SNRPD1: variants seen among roughly 807,000 people sequenced by gnomAD.
SNRPD1 encodes small nuclear ribonucleoprotein D1 polypeptide.
In SNRPD1, 1 loss-of-function variant was observed where a neutral mutation model predicts 14.4. The ratio of observed to expected loss-of-function variants is 0.07; its 90% CI spans 0.02 to 0.33. The LOEUF (loss-of-function observed/expected upper bound fraction) is 0.33, where lower values mean the gene tolerates loss of function less well. Among genes scored for constraint, SNRPD1 ranks in the 10% least tolerant of loss-of-function variants. The probability of loss-of-function intolerance (pLI) is 1.00; values close to 1 mark genes in which losing one functional copy is unlikely to be tolerated. For missense variants in SNRPD1, 52 were observed against 146.4 expected, an observed-to-expected ratio of 0.36 and a Z score of 3.33; for synonymous variants, 42 against 50.3, an observed-to-expected ratio of 0.83 and a Z score of 0.70.
At chr18:21,618,990 T>C (rs1412716911) in intron 1 of SNRPD1, among the ~76,000 whole-genome samples, 2 of 152,158 alleles carry the variant, frequency 1.3e-5, no homozygotes, top group Admixed American at 6.5e-5. Context: ...AGTGTGATGA[T>C]AGGATCTGTT....
At position 21,629,175 on chromosome 18, in the gene SNRPD1, A is replaced by G; in HGVS notation, c.*37A>G. 6.8e-7 allele frequency: 1 copy of G among 1,472,876 alleles called. No individual in the cohort carries two copies. Among genetic ancestry groups the G allele is most frequent in the South Asian group, 1.1e-5 (1 of 88,214 alleles). 91.2% of individuals were successfully genotyped at this position (1,472,876 alleles called of 1,614,324 possible). ...ATTTCAAAGTCATATGAGATTTGGGATATTTTTTGTACAGGTTGTGTTTGT... is the reference window on the plus strand; with the variant it reads ...ATTTCAAAGTCATATGAGATTTGGGGTATTTTTTGTACAGGTTGTGTTTGT... On this transcript the variant is annotated 3_prime_UTR_variant, in exon 4 of 4. Transcript: ENST00000300413.
At position 21,632,998 on chromosome 18, in the gene SNRPD1, C is replaced by T. The variant is rs2039096558; in HGVS notation, c.*3860C>T. 1 of 152,030 alleles carries T rather than the reference C, an allele frequency of 6.6e-6. No homozygotes were observed. The highest frequency in any genetic ancestry group is 1.5e-5 in the Non-Finnish European group (1 of 68,102). The allele number at this position is 152,030 out of a possible 1,614,324, so 9.4% of individuals were successfully genotyped here. ...CCTGAGTAGCTGAGACTACAGGTGC[C>T]CACCACTATGCCCGGCTAATGTTTT... On this transcript the variant is annotated 3_prime_UTR_variant, in exon 4 of 4. Coordinates refer to ENST00000300413, the MANE Select transcript of SNRPD1 (RefSeq NM_006938.4).
At chr18:21,627,434 G>GTTTTTT (rs71178190) in intron 3 of SNRPD1, among the ~76,000 whole-genome samples, 6 of 97,366 alleles carry the variant, frequency 6.2e-5, no homozygotes, top group Non-Finnish European at 9.8e-5. Context: ...CTTTTCTTGG[G>GTTTTTT]TTTTTTTTTT....
intron 1 of SNRPD1, among the ~76,000 whole-genome samples, chr18:21,617,691 G>T (rs1352582925): frequency 6.6e-6 from 1 of 152,054 alleles, no homozygotes; most frequent in Non-Finnish European, 1.5e-5. Context: ...CTACTCATAG[G>T]ACCTAAAATA....
rs2039098972 is a variant in SNRPD1 at position 21,633,256 on chromosome 18, G to A, written c.*4118G>A. The stretch of plus-strand genomic sequence containing the variant: ...CTTTTAATCTATCATAATTATGTGA[G>A]CATAACTTAGTATTTTGAAATAGAT... On this transcript the variant is annotated 3_prime_UTR_variant, in exon 4 of 4. Coordinates refer to ENST00000300413, the MANE Select transcript of SNRPD1 (RefSeq NM_006938.4). 6.6e-6 allele frequency: 1 copy of A among 152,176 alleles called. No homozygotes were observed. The highest frequency in any genetic ancestry group is 6.6e-5 in the Admixed American group (1 of 15,262). The allele number at this position is 152,176 out of a possible 1,614,324, so 9.4% of individuals were successfully genotyped here.
chr18:21,615,789 T>A (rs1478581849), intron 1 of SNRPD1, among the ~76,000 whole-genome samples: 1 of 152,104 alleles, frequency 6.6e-6, no homozygotes, highest in African/African-American at 2.4e-5. Flanking sequence ...TGTAACATAG[T>A]TATGTGTTTA....
intron 2 of SNRPD1, 105 bp downstream of exon 2, chr18:21,622,906 A>G: frequency 4.2e-6 from 2 of 477,470 alleles, no homozygotes. Context: ...ACAAATCCTT[A>G]TTTTTTTTGT....
At chr18:21,614,467 A>T (rs532326806) in intron 1 of SNRPD1, among the ~76,000 whole-genome samples, 10 of 152,118 alleles carry the variant, frequency 6.6e-5, no homozygotes, top group African/African-American at 1.7e-4. Context: ...ATAGAAACAA[A>T]TTTTTTTTCT....
intron 1 of SNRPD1, among the ~76,000 whole-genome samples, chr18:21,620,113 C>T (rs1231749079): frequency 6.6e-6 from 1 of 152,088 alleles, no homozygotes; most frequent in Non-Finnish European, 1.5e-5. Flanking sequence ...CACCACCACA[C>T]CTGGCTAATT....
chr18:21,618,432 G>A (rs1432860883), intron 1 of SNRPD1, among the ~76,000 whole-genome samples: 2 of 150,234 alleles, frequency 1.3e-5, no homozygotes, highest in East Asian at 1.9e-4. Flanking sequence ...GAGCCACCGC[G>A]CCTGGCCACA....
chr18:21,626,350 C>T (rs552378211), intron 3 of SNRPD1, among the ~76,000 whole-genome samples: 6 of 144,352 alleles, frequency 4.2e-5, no homozygotes, highest in African/African-American at 7.8e-5. Context: ...GCCGAGATTA[C>T]GCCACTGCAC....
At chr18:21,621,790 TG>T (rs1305048431) in intron 1 of SNRPD1, among the ~76,000 whole-genome samples, 1 of 152,180 alleles carries the variant, frequency 6.6e-6, no homozygotes, top group East Asian at 1.9e-4. Context: ...TTGGCCAGGC[TG>T]GTCTTGAATT....
chr18:21,628,649 G>C (rs188949031), intron 3 of SNRPD1, among the ~76,000 whole-genome samples: 1 of 152,252 alleles, frequency 6.6e-6, no homozygotes, highest in East Asian at 1.9e-4. Flanking sequence ...GAATTAACTT[G>C]CTTGGATTTT....
At position 21,629,241 on chromosome 18, in the gene SNRPD1, G is replaced by A; in HGVS notation, c.*103G>A. On this transcript the variant is annotated 3_prime_UTR_variant, in exon 4 of 4. Transcript: ENST00000300413. ...ATAAACATAAATGTGGGACAGAGCT[G>A]TCTATTTAGTATATCAAAGTTTTAG... 1 of 855,440 alleles carries A rather than the reference G, an allele frequency of 1.2e-6. No homozygotes were observed. Among genetic ancestry groups the A allele is most frequent in the South Asian group, 1.5e-5 (1 of 68,394 alleles). 53.0% of individuals were successfully genotyped at this position (855,440 alleles called of 1,614,324 possible).
intron 1 of SNRPD1, among the ~76,000 whole-genome samples, chr18:21,621,117 G>A (rs1302305289): frequency 8.6e-5 from 13 of 151,988 alleles, no homozygotes; most frequent in East Asian, 1.9e-4. Flanking sequence ...GCAGTGAGCC[G>A]AGATTGTGCC....
chr18:21,618,259 C>T (rs1338177137), intron 1 of SNRPD1, among the ~76,000 whole-genome samples: 2 of 151,222 alleles, frequency 1.3e-5, no homozygotes, highest in Non-Finnish European at 2.9e-5. Flanking sequence ...CACATCTCTA[C>T]AAAAAATTTA....
Position 21,632,441 on chromosome 18 carries a change from A to T in SNRPD1, c.*3303A>T, listed in dbSNP as rs547958990. The T allele has an allele frequency of 6.6e-6, 1 of 151,650 alleles. No individual in the cohort carries two copies. Among genetic ancestry groups the T allele is most frequent in the Admixed American group, 6.6e-5 (1 of 15,212 alleles). 9.4% of individuals were successfully genotyped at this position (151,650 alleles called of 1,614,324 possible). The stretch of plus-strand genomic sequence containing the variant: ...ACCACTGCACTTCAGCCTGAGTGAC[A>T]GAGCGAGACTGTTTCAAAAAAAAAA... On this transcript the variant is annotated 3_prime_UTR_variant, in exon 4 of 4. Transcript: ENST00000300413.
intron 2 of SNRPD1, among the ~76,000 whole-genome samples, chr18:21,623,514 C>T (rs1257809084): frequency 6.6e-6 from 1 of 152,188 alleles, no homozygotes; most frequent in Non-Finnish European, 1.5e-5. Flanking sequence ...TGGCTTGCTG[C>T]ATTCACTTCT....
In SNRPD1 at chr18:21,629,961, C is replaced by T. The variant is rs925291786; in HGVS notation, c.*823C>T. 2.0e-5 allele frequency: 3 copies of T among 152,118 alleles called. No homozygotes were observed. The highest frequency in any genetic ancestry group is 2.9e-5 in the Non-Finnish European group (2 of 68,028). 9.4% of individuals were successfully genotyped at this position (152,118 alleles called of 1,614,324 possible). Reference sequence around the variant, plus strand: ...TTCTCCTTTCCTGAGTTTTACTCCACGGAGTCTTAGGTACCTGGTAAAAAG... The same window carrying T: ...TTCTCCTTTCCTGAGTTTTACTCCATGGAGTCTTAGGTACCTGGTAAAAAG... On this transcript the variant is annotated 3_prime_UTR_variant, in exon 4 of 4. Transcript: ENST00000300413.
Sources: gnomAD v4.1 joint callset for allele counts (sites outside exome capture counted in the v4.1 genomes callset) on GRCh38, gnomAD v4.1.1 for gene constraint, MANE v1.5 for transcripts, NCBI Gene and HGNC (gene_info 2026-07-23, HGNC 2026-07-21) for gene names.